Variants in SPATS2L observed in about 807,000 individuals in gnomAD.
The protein encoded by SPATS2L is spermatogenesis associated serine rich 2 like, also known as SPATS2-like protein.
Under a neutral mutation model 59.6 loss-of-function variants are expected in SPATS2L, and 30 were observed. That is an observed-to-expected ratio of 0.50 (90% CI 0.38 to 0.68). The LOEUF (loss-of-function observed/expected upper bound fraction) is 0.68. Ranked by LOEUF, SPATS2L falls within the 30% of genes least tolerant of loss-of-function variation. SPATS2L has a pLI of 0.00. For missense variants in SPATS2L, 615 were observed against 700.0 expected (o/e 0.88, Z 1.37); for synonymous variants, 252 against 263.5 (o/e 0.96, Z 0.42).
chr2:200,367,143 C>T (rs921256632), intron 2 of SPATS2L, among the ~76,000 whole-genome samples: 1 of 152,116 alleles, frequency 6.6e-6, no homozygotes, highest in Non-Finnish European at 1.5e-5. Context: ...AAATTTTAGT[C>T]TGTATTTCGT....
At chr2:200,322,678 G>A (rs2079603976) in intron 1 of SPATS2L, among the ~76,000 whole-genome samples, 1 of 152,194 alleles carries the variant, frequency 6.6e-6, no homozygotes, top group South Asian at 2.1e-4. Context: ...CATAATTAAT[G>A]TGAAGATCAA....
intron 2 of SPATS2L, among the ~76,000 whole-genome samples, chr2:200,343,104 A>C (rs1358878765): frequency 6.6e-6 from 1 of 152,204 alleles, no homozygotes; most frequent in Non-Finnish European, 1.5e-5. Flanking sequence ...TCTGGCATCT[A>C]ATTGGGAGAA....
intron 6 of SPATS2L, among the ~76,000 whole-genome samples, chr2:200,438,446 G>A (rs2084455736): frequency 6.6e-6 from 1 of 152,116 alleles, no homozygotes; most frequent in South Asian, 2.1e-4. Context: ...ATAACTAAAT[G>A]GGAACCTACC....
chr2:200,315,282 T>C (rs959080227), intron 1 of SPATS2L, among the ~76,000 whole-genome samples: 1 of 152,214 alleles, frequency 6.6e-6, no homozygotes, highest in African/African-American at 2.4e-5. Flanking sequence ...AGGAGTTACA[T>C]GTACAATGGG....
Position 200,329,172 on chromosome 2 carries a change from C to T in SPATS2L, c.-72-259C>T, listed in dbSNP as rs114203627. Among the ~76,000 whole-genome samples, 560 of 152,320 alleles carry T rather than the reference C, an allele frequency of 3.7e-3. 5 individuals carry two copies. Among genetic ancestry groups the T allele is most frequent in the African/African-American group, 0.013 (527 of 41,574 alleles). On this transcript the variant is annotated intron_variant, in intron 1 of 12. Coordinates refer to ENST00000409140, the MANE Select transcript of SPATS2L (RefSeq NM_001100423.2). ...GTTAGGCAGTGTGCTAAATGCATTA[C>T]ATATGTTATATATCATCCAGTCAAC...
At chr2:200,369,198 AC>A (rs1313248544) in intron 2 of SPATS2L, among the ~76,000 whole-genome samples, 1 of 152,038 alleles carries the variant, frequency 6.6e-6, no homozygotes, top group African/African-American at 2.4e-5. Context: ...TCGCTTTGTC[AC>A]CCAGGCTGGA....
Position 200,396,046 on chromosome 2 carries a change from ATATATATATATATATATATATT to A in SPATS2L, c.39+6765_39+6786del, listed in dbSNP as rs1433220215. ...AAAAAAAAAAAAAATATATATATAT[ATATATATATATATATATATATT>A]TTCCCATAGAACCAAGATTGGAAAG... On this transcript the variant is annotated intron_variant, in intron 3 of 12. Transcript: ENST00000409140. 9.9e-4 allele frequency among the ~76,000 whole-genome samples: 81 copies of A among 82,024 alleles called. 2 individuals carry two copies. The highest frequency in any genetic ancestry group is 1.6e-3 in the Non-Finnish European group (64 of 38,818). 53.8% of individuals were successfully genotyped at this position (82,024 alleles called of 152,430 possible).
At chr2:200,314,935 T>G in intron 1 of SPATS2L, among the ~76,000 whole-genome samples, 1 of 152,382 alleles carries the variant, frequency 6.6e-6, no homozygotes, top group South Asian at 2.1e-4. Context: ...AATATATTAC[T>G]AAAATTAATT....
At chr2:200,339,509 G>T (rs1340485228) in intron 2 of SPATS2L, among the ~76,000 whole-genome samples, 1 of 152,034 alleles carries the variant, frequency 6.6e-6, no homozygotes, top group South Asian at 2.1e-4. Context: ...GTTTACACCT[G>T]GTTTAGTTAA....
chr2:200,350,918 T>C (rs551053641), intron 2 of SPATS2L, among the ~76,000 whole-genome samples: 32 of 152,196 alleles, frequency 2.1e-4, no homozygotes, highest in Non-Finnish European at 3.7e-4. Context: ...TTTGTTTCCT[T>C]TGGAATGTTG....
At chr2:200,339,701 A>C (rs933622091) in intron 2 of SPATS2L, among the ~76,000 whole-genome samples, 2 of 152,232 alleles carry the variant, frequency 1.3e-5, no homozygotes, top group Non-Finnish European at 2.9e-5. Flanking sequence ...ACTTTTAGAA[A>C]TAATACAAGG....
At chr2:200,473,925 G>A (rs545792978) in intron 12 of SPATS2L, among the ~76,000 whole-genome samples, 5 of 152,102 alleles carry the variant, frequency 3.3e-5, no homozygotes, top group South Asian at 4.2e-4. Context: ...GCTTGAACCC[G>A]GGAGGCGGAG....
chr2:200,454,605 G>T (rs567500424), intron 8 of SPATS2L, among the ~76,000 whole-genome samples: 1 of 152,218 alleles, frequency 6.6e-6, no homozygotes, highest in African/African-American at 2.4e-5. Context: ...CTTTGCCATG[G>T]TAATCTCCTC....
intron 10 of SPATS2L, among the ~76,000 whole-genome samples, chr2:200,469,171 A>T (rs2086843593): frequency 6.6e-6 from 1 of 152,200 alleles, no homozygotes; most frequent in Non-Finnish European, 1.5e-5. Context: ...TGATTTTTTC[A>T]ATGTTCCCTC....
chr2:200,420,451 GTA>G (rs1350440365), intron 6 of SPATS2L, among the ~76,000 whole-genome samples: 2 of 151,922 alleles, frequency 1.3e-5, no homozygotes, highest in Non-Finnish European at 2.9e-5. Context: ...AAGTAAGGCA[GTA>G]GTCAGCTGGA....
rs891602495 is a variant in SPATS2L at position 200,343,727 on chromosome 2, C to T, written c.-23+14247C>T. On this transcript the variant is annotated intron_variant, in intron 2 of 12. Transcript: ENST00000409140. ...TAAATATATTCTGTATATGATGTCACAGTCATACAATAAAATACTGTTCAG... is the reference window on the plus strand; with the variant it reads ...TAAATATATTCTGTATATGATGTCATAGTCATACAATAAAATACTGTTCAG... 2.6e-5 allele frequency among the ~76,000 whole-genome samples: 4 copies of T among 152,186 alleles called. No individual in the cohort carries two copies. The South Asian group carries it at 8.3e-4, about 32-fold the overall frequency.
intron 9 of SPATS2L, among the ~76,000 whole-genome samples, chr2:200,461,670 T>A (rs959061751): frequency 6.6e-6 from 1 of 152,224 alleles, no homozygotes; most frequent in Non-Finnish European, 1.5e-5. Flanking sequence ...TGGCAGTCTG[T>A]GCCCCTAACC....
intron 4 of SPATS2L, among the ~76,000 whole-genome samples, chr2:200,412,975 G>C (rs1486453535): frequency 2.0e-5 from 3 of 152,166 alleles, no homozygotes; most frequent in African/African-American, 7.2e-5. Flanking sequence ...AGGATGGCTT[G>C]AGCCCCTGAG....
intron 1 of SPATS2L, among the ~76,000 whole-genome samples, chr2:200,327,673 C>T (rs1238456596): frequency 6.6e-6 from 1 of 152,126 alleles, no homozygotes; most frequent in Non-Finnish European, 1.5e-5. Flanking sequence ...TTGTTTTTGT[C>T]AAAAGTGTGA....
Sources: gnomAD v4.1 joint callset for allele counts (sites outside exome capture counted in the v4.1 genomes callset) on GRCh38, gnomAD v4.1.1 for gene constraint, MANE v1.5 for transcripts, NCBI Gene and HGNC (gene_info 2026-07-23, HGNC 2026-07-21) for gene names.